ASIC5: variants seen among roughly 807,000 people sequenced by gnomAD.
ASIC5 encodes acid sensing ion channel subunit family member 5, also known as bile acid-sensitive ion channel.
In ASIC5, 52 loss-of-function variants were observed where a neutral mutation model predicts 51.2. The observed-to-expected ratio is 1.02, with a 90% CI of 0.81 to 1.28. The LOEUF (loss-of-function observed/expected upper bound fraction) is 1.28. ASIC5 is among the 50% of genes most tolerant of loss of function. The probability of loss-of-function intolerance (pLI) is 0.00; values close to 1 mark genes in which losing one functional copy is unlikely to be tolerated. For missense variants in ASIC5, 635 were observed against 595.0 expected, an observed-to-expected ratio of 1.07 and a Z score of -0.70; for synonymous variants, 231 against 200.7, an observed-to-expected ratio of 1.15 and a Z score of -1.28.
At chr4:155,846,755 AT>A in intron 4 of ASIC5, among the ~76,000 whole-genome samples, 1 of 152,128 alleles carries the variant, frequency 6.6e-6, no homozygotes, top group East Asian at 1.9e-4. Flanking sequence ...GTAGACAAAC[AT>A]GTCGTAACTT....
At chr4:155,855,764 A>G (rs2110744483) in intron 2 of ASIC5, among the ~76,000 whole-genome samples, 1 of 151,112 alleles carries the variant, frequency 6.6e-6, no homozygotes, top group African/African-American at 2.4e-5. Context: ...AGAAGAAAAT[A>G]AAAATATTTA....
At chr4:155,857,261 C>T (rs1000220469) in intron 2 of ASIC5, among the ~76,000 whole-genome samples, 2 of 151,970 alleles carry the variant, frequency 1.3e-5, no homozygotes, top group African/African-American at 4.8e-5. Flanking sequence ...ATAGCTGGAA[C>T]TACAGGTGTA....
chr4:155,857,766 T>C (rs1741583786), intron 2 of ASIC5, among the ~76,000 whole-genome samples: 2 of 152,140 alleles, frequency 1.3e-5, no homozygotes, highest in African/African-American at 4.8e-5. Context: ...GATGATTTTA[T>C]GAAGAAGGAA....
chr4:155,853,146 T>A (rs1741423142), intron 3 of ASIC5, among the ~76,000 whole-genome samples: 1 of 152,028 alleles, frequency 6.6e-6, no homozygotes, highest in Non-Finnish European at 1.5e-5. Context: ...ACTGAAAAAA[T>A]TCTCTAACAT....
At position 155,843,784 on chromosome 4, in the gene ASIC5, A is replaced by G; in HGVS notation, c.758T>C (p.Ile253Thr). 1 of 1,613,666 alleles carries G rather than the reference A, an allele frequency of 6.2e-7. No individual in the cohort carries two copies. Among genetic ancestry groups the G allele is most frequent in the Non-Finnish European group, 8.5e-7 (1 of 1,179,716 alleles). Residue 253 changes from isoleucine to threonine, a missense_variant, in exon 5 of 10, where the codon ATC (isoleucine) becomes ACC (threonine). Physicochemically the swap from Ile to Thr is moderately conservative, Grantham distance 89 (BLOSUM62 -1). Transcript: ENST00000537611. ...NPALGFVDAGIIFVIHSPKKV... is the reference protein window; with the variant it reads ...NPALGFVDAGTIFVIHSPKKV... ...CTTTGGTGAATGGATAACAAAGATG[A>G]TCCCAGCATCAACGAAACCAAGGGC... is the stretch of plus-strand genomic sequence containing the variant.
At chr4:155,855,077 C>G (rs967454561) in intron 2 of ASIC5, among the ~76,000 whole-genome samples, 1 of 152,040 alleles carries the variant, frequency 6.6e-6, no homozygotes, top group African/African-American at 2.4e-5. Flanking sequence ...GCTCCTGCAA[C>G]GAAGTGGGGC....
intron 6 of ASIC5, among the ~76,000 whole-genome samples, chr4:155,840,717 T>C (rs1032208201): frequency 6.6e-6 from 1 of 151,988 alleles, no homozygotes; most frequent in African/African-American, 2.4e-5. Context: ...ATTGCCTATA[T>C]AGGGCTAACA....
At chr4:155,863,789 A>G in intron 1 of ASIC5, 35 bp from the exon 2 acceptor site, 2 of 1,538,336 alleles carry the variant, frequency 1.3e-6, no homozygotes, top group African/African-American at 1.4e-5. Context: ...TTAAACAAAA[A>G]AAAGTAATTA....
intron 2 of ASIC5, among the ~76,000 whole-genome samples, chr4:155,856,034 C>A (rs11731737): frequency 8.5e-5 from 13 of 152,078 alleles, no homozygotes; most frequent in Middle Eastern, 3.4e-3. Flanking sequence ...GTCACCTTTG[C>A]TAGTCAAGCC....
rs748665811 is a variant in ASIC5 at position 155,829,981 on chromosome 4, CA to C, written c.1392del (p.Ile464MetfsTer17). 3.8e-6 allele frequency: 6 copies of C among 1,595,744 alleles called. No individual in the cohort carries two copies. Among genetic ancestry groups the C allele is most frequent in the Non-Finnish European group, 5.1e-6 (6 of 1,170,994 alleles). Reference protein sequence around the residue: ...GASLITIIEIIEYLFTNFYWI... With the variant: ...GASLITIIEIXEYLFTNFYWI... ...CAGTAGAAATTGGTGAATAGATATT[CA>C]ATAATTTCTATGATCGTGATCAGAC... On this transcript the variant is annotated frameshift_variant, in exon 10 of 10. Coordinates refer to ENST00000537611, the MANE Select transcript of ASIC5 (RefSeq NM_017419.3). LOFTEE classifies it high-confidence loss of function.
At chr4:155,836,115 G>A (rs1220658075) in intron 8 of ASIC5, among the ~76,000 whole-genome samples, 3 of 152,150 alleles carry the variant, frequency 2.0e-5, no homozygotes, top group Non-Finnish European at 4.4e-5. Flanking sequence ...GAGGCTGTAT[G>A]GTATAGCAGA....
intron 4 of ASIC5, among the ~76,000 whole-genome samples, chr4:155,849,649 A>G (rs1341390341): frequency 6.6e-6 from 1 of 152,062 alleles, no homozygotes; most frequent in Non-Finnish European, 1.5e-5. Flanking sequence ...ATTATTTTCT[A>G]CAGTTTGGAC....
chr4:155,838,849 G>T lies in ASIC5; in HGVS notation c.1030C>A (p.Leu344Ile). ...LLPGYGIECDLQKYFSCVSPV... is the reference protein window; with the variant it reads ...LLPGYGIECDIQKYFSCVSPV... ...GAAACACAGCTGAAGTACTTTTGTA[G>T]GTCACATTCTATCCCATATCCTTAA... The change falls in exon 7 of 10, where the codon CTA (leucine) becomes ATA (isoleucine). Residue 344 changes from leucine (L) to isoleucine (I), a missense_variant. By Grantham distance (5) the Leu-to-Ile change is conservative. Transcript: ENST00000537611. 6.3e-7 allele frequency: 1 copy of T among 1,581,418 alleles called. No individual in the cohort carries two copies. Among genetic ancestry groups the T allele is most frequent in the Non-Finnish European group, 8.7e-7 (1 of 1,152,624 alleles).
intron 5 of ASIC5, 47 bp from the exon 6 acceptor site, chr4:155,842,401 T>G (rs769524071): frequency 4.8e-6 from 7 of 1,469,316 alleles, no homozygotes; most frequent in Middle Eastern, 1.8e-4. Flanking sequence ...TTTACATCAA[T>G]TCACTTATTT....
rs142819179 is a variant in ASIC5 at position 155,845,685 on chromosome 4, T to C, written c.712-1855A>G. ...ATAGGTAGTCCCTATCTAAATAAGA[T>C]TGGTCTCCTTATACAATATTATGAT... On this transcript the variant is annotated intron_variant, in intron 4 of 9. Coordinates refer to ENST00000537611, the MANE Select transcript of ASIC5 (RefSeq NM_017419.3). Among the ~76,000 whole-genome samples the C allele has an allele frequency of 1.7e-3, 260 of 152,128 alleles. 2 individuals are homozygous for C. The East Asian group carries it at 0.026, about 15-fold the overall frequency.
chr4:155,848,663 G>A (rs1741311109), intron 4 of ASIC5, among the ~76,000 whole-genome samples: 1 of 151,960 alleles, frequency 6.6e-6, no homozygotes, highest in African/African-American at 2.4e-5. Flanking sequence ...CTCTTTAGAA[G>A]GTGTTTTTAT....
chr4:155,832,609 A>G (rs1740893676), intron 8 of ASIC5, among the ~76,000 whole-genome samples: 1 of 152,152 alleles, frequency 6.6e-6, no homozygotes, highest in Non-Finnish European at 1.5e-5. Flanking sequence ...TAATATATTC[A>G]GTTCATTCTT....
intron 6 of ASIC5, 124 bp from the exon 7 acceptor site, chr4:155,838,993 T>C: frequency 1.7e-6 from 1 of 594,490 alleles, no homozygotes; most frequent in Non-Finnish European, 3.0e-6. Context: ...TTCTTCTATA[T>C]GAACATCTAT....
At chr4:155,856,867 A>G (rs1741555483) in intron 2 of ASIC5, among the ~76,000 whole-genome samples, 1 of 152,096 alleles carries the variant, frequency 6.6e-6, no homozygotes, top group Non-Finnish European at 1.5e-5. Flanking sequence ...CAAAATGATT[A>G]TGCAGAGAAA....
Sources: gnomAD v4.1 joint callset for allele counts (sites outside exome capture counted in the v4.1 genomes callset) on GRCh38, gnomAD v4.1.1 for gene constraint, MANE v1.5 for transcripts, NCBI Gene and HGNC (gene_info 2026-07-23, HGNC 2026-07-21) for gene names.